Variants in SULT2B1 observed in about 807,000 individuals in gnomAD.
The protein encoded by SULT2B1 is sulfotransferase 2B1.
Under a neutral mutation model 33.2 loss-of-function variants are expected in SULT2B1, and 16 were observed. The ratio of observed to expected loss-of-function variants is 0.48; its 90% CI spans 0.33 to 0.73. The LOEUF (loss-of-function observed/expected upper bound fraction) is 0.73. Ranked by LOEUF, SULT2B1 falls within the 30% of genes least tolerant of loss-of-function variation. The probability of loss-of-function intolerance (pLI) is 0.02; values close to 1 mark genes in which losing one functional copy is unlikely to be tolerated. For synonymous variants in SULT2B1, 186 were observed against 200.5 expected (o/e 0.93, Z 0.61); for missense variants, 500 against 506.0 (o/e 0.99, Z 0.11).
At chr19:48,569,811 C>T (rs1214801457) in intron 1 of SULT2B1, among the ~76,000 whole-genome samples, 1 of 151,900 alleles carries the variant, frequency 6.6e-6, no homozygotes, top group Admixed American at 6.6e-5. Context: ...GGATTATAAG[C>T]ATGCGCCACC....
intron 1 of SULT2B1, among the ~76,000 whole-genome samples, chr19:48,566,681 A>T (rs1037433417): frequency 2.0e-5 from 3 of 152,074 alleles, no homozygotes; most frequent in African/African-American, 7.2e-5. Context: ...GTTTTTACTA[A>T]AATATAAAAA....
rs1973763012 is a variant in SULT2B1 at position 48,599,123 on chromosome 19, C to T, written c.827-12C>T. On this transcript the variant is annotated splice_polypyrimidine_tract_variant and intron_variant, in intron 6 of 6. Transcript: ENST00000201586. The surrounding 1 kb of genome is among the most constrained non-coding windows in gnomAD (Gnocchi z 4.1). ...AGAGGCTCCTCACCCCCTGGTGCCC[C>T]CTCTTCTCCAGGGGTCTGCGGCGAC... is the stretch of plus-strand genomic sequence containing the variant. 1.3e-6 allele frequency: 2 copies of T among 1,564,246 alleles called. No individual in the cohort carries two copies. Among genetic ancestry groups the T allele is most frequent in the Non-Finnish European group, 8.6e-7 (1 of 1,159,174 alleles).
At chr19:48,573,348 C>A (rs3760801) in intron 1 of SULT2B1, among the ~76,000 whole-genome samples, 2 of 152,002 alleles carry the variant, frequency 1.3e-5, no homozygotes, top group East Asian at 3.9e-4. Flanking sequence ...TCAAATCGAG[C>A]GATATCAGCA....
chr19:48,572,577 A>G (rs2147608706), intron 1 of SULT2B1, among the ~76,000 whole-genome samples: 1 of 152,080 alleles, frequency 6.6e-6, no homozygotes, highest in South Asian at 2.1e-4. Context: ...GGAGATGGGA[A>G]AGGCACTCAG....
At chr19:48,571,630 C>T (rs1428300092) in intron 1 of SULT2B1, among the ~76,000 whole-genome samples, 5 of 137,586 alleles carry the variant, frequency 3.6e-5, no homozygotes, top group Admixed American at 2.9e-4. Flanking sequence ...CAAGACAGAA[C>T]AATAACAAAA....
chr19:48,570,288 T>C (rs992077852), intron 1 of SULT2B1, among the ~76,000 whole-genome samples: 5 of 151,830 alleles, frequency 3.3e-5, no homozygotes, highest in South Asian at 2.1e-4. Flanking sequence ...CAAGTGATTC[T>C]CCTGCCTCAG....
intron 4 of SULT2B1, 96 bp from the exon 5 acceptor site, chr19:48,592,626 G>A (rs1224257869): frequency 9.4e-7 from 1 of 1,060,708 alleles, no homozygotes; most frequent in Non-Finnish European, 1.4e-6. Flanking sequence ...TGGACCTGGG[G>A]GTTTGTGGGG....
chr19:48,555,026 C>A (rs932953141), intron 1 of SULT2B1, among the ~76,000 whole-genome samples: 4 of 152,156 alleles, frequency 2.6e-5, no homozygotes, highest in Non-Finnish European at 5.9e-5. Context: ...GTGAAGCGGG[C>A]GCTCTGAGGT....
chr19:48,573,453 C>T (rs980888305), intron 1 of SULT2B1, among the ~76,000 whole-genome samples: 1 of 152,114 alleles, frequency 6.6e-6, no homozygotes, highest in Non-Finnish European at 1.5e-5. Flanking sequence ...ATTTGTTTTA[C>T]AAGGTGGACA....
At chr19:48,585,796 T>C (rs1973553700) in intron 2 of SULT2B1, among the ~76,000 whole-genome samples, 1 of 152,142 alleles carries the variant, frequency 6.6e-6, no homozygotes, top group Non-Finnish European at 1.5e-5. Context: ...AACCTGCACG[T>C]TGTGCACATG....
intron 1 of SULT2B1, among the ~76,000 whole-genome samples, chr19:48,568,552 A>C (rs1451897225): frequency 6.6e-6 from 1 of 152,092 alleles, no homozygotes; most frequent in Non-Finnish European, 1.5e-5. Flanking sequence ...TGAGAGGTTG[A>C]GCTGGGGACG....
chr19:48,579,035 TGG>T (rs1438614617), intron 2 of SULT2B1, among the ~76,000 whole-genome samples: 1 of 151,516 alleles, frequency 6.6e-6, no homozygotes, highest in Non-Finnish European at 1.5e-5. Flanking sequence ...TTTTCTATTT[TGG>T]GCATTTCATG....
intron 1 of SULT2B1, 173 bp from the exon 2 acceptor site, chr19:48,575,768 A>G: frequency 8.3e-7 from 1 of 1,204,568 alleles, no homozygotes; most frequent in South Asian, 1.7e-5. Flanking sequence ...GGAGTGTGCC[A>G]CTGCGCCTGA....
intron 2 of SULT2B1, among the ~76,000 whole-genome samples, chr19:48,585,040 C>A (rs1194725245): frequency 9.1e-6 from 1 of 109,778 alleles, no homozygotes; most frequent in Non-Finnish European, 1.8e-5. Flanking sequence ...CAGAGTGAGA[C>A]TCCTTCTCAA....
At chr19:48,555,586 CTCTTTT>C (rs1396649055) in intron 1 of SULT2B1, among the ~76,000 whole-genome samples, 19 of 141,684 alleles carry the variant, frequency 1.3e-4, no homozygotes, top group African/African-American at 4.2e-4. Context: ...CTCTCTCTCT[CTCTTTT>C]GAGACAGAGC....
At chr19:48,570,914 G>C (rs377220696) in intron 1 of SULT2B1, among the ~76,000 whole-genome samples, 2 of 151,860 alleles carry the variant, frequency 1.3e-5, no homozygotes, top group East Asian at 3.9e-4. Context: ...AGTAGAGACG[G>C]GGTTTCACCA....
At chr19:48,560,032 C>A (rs561269087) in intron 1 of SULT2B1, among the ~76,000 whole-genome samples, 2 of 152,168 alleles carry the variant, frequency 1.3e-5, no homozygotes, top group Admixed American at 1.3e-4. Flanking sequence ...CGAATGCCGC[C>A]CCTATGGCTC....
At chr19:48,559,347 T>TG (rs1973145732) in intron 1 of SULT2B1, among the ~76,000 whole-genome samples, 1 of 139,632 alleles carries the variant, frequency 7.2e-6, no homozygotes, top group South Asian at 2.3e-4. Flanking sequence ...TTTGGTTTTG[T>TG]TTTTTGTTTT....
At chr19:48,596,672 C>G in intron 5 of SULT2B1, 67 bp from the exon 6 acceptor site, 1 of 1,470,524 alleles carries the variant, frequency 6.8e-7, no homozygotes. Flanking sequence ...ACATGCGGAT[C>G]CCAGGTTCCA....
Sources: allele counts gnomAD v4.1 joint callset (sites outside exome capture counted in the v4.1 genomes callset), GRCh38; gene constraint gnomAD v4.1.1; non-coding constraint Gnocchi (gnomAD v3.1); transcripts MANE v1.5; gene names NCBI Gene and HGNC (gene_info 2026-07-23, HGNC 2026-07-21).